The following ADD3 variants were observed in gnomAD, a reference collection of about 807,000 sequenced individuals.
The protein encoded by ADD3 is gamma-adducin.
ADD3 carries 25 observed loss-of-function variants against 80.2 expected under a neutral mutation model. The observed-to-expected ratio is 0.31, with a 90% confidence interval of 0.23 to 0.44. The LOEUF is 0.44. Ranked by LOEUF, ADD3 falls within the 20% of genes least tolerant of loss-of-function variation. The pLI, the probability that ADD3 is intolerant of heterozygous loss-of-function variation, is 1.00. For synonymous variants in ADD3, 284 were observed against 289.6 expected (o/e 0.98, Z 0.20); for missense variants, 829 against 847.5 (o/e 0.98, Z 0.27).
intron 1 of ADD3, among the ~76,000 whole-genome samples, chr10:110,032,906 A>G (rs1017226993): frequency 5.3e-5 from 8 of 152,248 alleles, no homozygotes; most frequent in Non-Finnish European, 1.0e-4. Context: ...AAGAACACAC[A>G]CATTATGATT....
At chr10:110,125,767 C>T (rs776709449) in intron 10 of ADD3, 59 bp from the exon 11 acceptor site, 3 of 1,344,956 alleles carry the variant, frequency 2.2e-6, no homozygotes, top group East Asian at 2.4e-5. Flanking sequence ...AGTTATCTAA[C>T]AATCTACTAA....
chr10:110,099,774 C>T (rs888088678), intron 1 of ADD3, among the ~76,000 whole-genome samples: 2 of 152,148 alleles, frequency 1.3e-5, no homozygotes, highest in Non-Finnish European at 2.9e-5. Flanking sequence ...TACCTTGTTT[C>T]TATTCTGCAT....
intron 1 of ADD3, among the ~76,000 whole-genome samples, chr10:110,009,447 C>T (rs564025246): frequency 6.6e-6 from 1 of 152,176 alleles, no homozygotes; most frequent in Admixed American, 6.5e-5. Context: ...AATAAGAGTA[C>T]AGTGCAATTT....
At chr10:110,033,857 C>T (rs1855333889) in intron 1 of ADD3, among the ~76,000 whole-genome samples, 1 of 152,162 alleles carries the variant, frequency 6.6e-6, no homozygotes, top group South Asian at 2.1e-4. Context: ...ATTAACTCAT[C>T]TGCATTTCCC....
intron 12 of ADD3, among the ~76,000 whole-genome samples, chr10:110,130,009 GC>G (rs1279209811): frequency 1.3e-5 from 2 of 151,968 alleles, no homozygotes; most frequent in Non-Finnish European, 2.9e-5. Context: ...ATTTCTGTAA[GC>G]CTTTTTTACA....
chr10:110,094,896 G>A (rs1174599319), intron 1 of ADD3, among the ~76,000 whole-genome samples: 1 of 152,186 alleles, frequency 6.6e-6, no homozygotes, highest in Non-Finnish European at 1.5e-5. Flanking sequence ...ATTCTTTGAA[G>A]TGTGGAAAAA....
chr10:110,006,965 C>G (rs1851684406), upstream of ADD3, among the ~76,000 whole-genome samples: 1 of 152,000 alleles, frequency 6.6e-6, no homozygotes, highest in Admixed American at 6.6e-5. Context: ...TGCAAGTGTA[C>G]TGGTGCAGGA....
intron 1 of ADD3, among the ~76,000 whole-genome samples, chr10:110,012,859 A>C (rs1162091537): frequency 2.0e-5 from 3 of 151,762 alleles, no homozygotes. Flanking sequence ...TCAGCCTCCC[A>C]GGTAGCTGGG....
chr10:110,091,635 T>G (rs1847527115), intron 1 of ADD3, among the ~76,000 whole-genome samples: 1 of 152,092 alleles, frequency 6.6e-6, no homozygotes, highest in African/African-American at 2.4e-5. Context: ...AAAATTCAAC[T>G]CAAGATGGAT....
chr10:110,031,073 C>G (rs1165799114), intron 1 of ADD3, among the ~76,000 whole-genome samples: 1 of 152,100 alleles, frequency 6.6e-6, no homozygotes, highest in Non-Finnish European at 1.5e-5. Context: ...GTCGGGAGTT[C>G]GAGACCAGCT....
At chr10:110,098,958 C>T (rs1020452919) in intron 1 of ADD3, among the ~76,000 whole-genome samples, 8 of 152,056 alleles carry the variant, frequency 5.3e-5, no homozygotes, top group Non-Finnish European at 8.8e-5. Context: ...CTCACTCCAT[C>T]GCCCAGACTG....
intron 13 of ADD3, 83 bp downstream of exon 13, chr10:110,130,569 A>G: frequency 1.3e-6 from 2 of 1,484,386 alleles, no homozygotes; most frequent in Non-Finnish European, 1.8e-6. Context: ...GAAAGCAGTC[A>G]GTGTGGCCGG....
At chr10:110,082,210 A>G (rs886855781) in intron 1 of ADD3, among the ~76,000 whole-genome samples, 4 of 149,540 alleles carry the variant, frequency 2.7e-5, no homozygotes, top group Admixed American at 2.0e-4. Flanking sequence ...GACTAAGCCA[A>G]TATTTGCTTT....
At chr10:110,002,395 T>C (rs1314272286), upstream of ADD3, among the ~76,000 whole-genome samples, 1 of 151,888 alleles carries the variant, frequency 6.6e-6, no homozygotes, top group Non-Finnish European at 1.5e-5. Context: ...TGCCTCAGCC[T>C]CCTGAGTAGC....
rs752116914 is a variant in ADD3, at chr10:110,118,769, G to T, written c.717+33G>T. 3 of 1,597,878 alleles carry T rather than the reference G, an allele frequency of 1.9e-6. No individual in the cohort carries two copies. In the African/African-American group the frequency reaches 4.0e-5, roughly 21 times the overall value. On this transcript the variant is annotated intron_variant, in intron 6 of 14. Coordinates refer to ENST00000356080, the MANE Select transcript of ADD3 (RefSeq NM_016824.5). ...AATGAAAGTCCAAAACTGACAGGAC[G>T]CTGGAAGATGTATTATTTTTGTGGC... is the stretch of plus-strand genomic sequence containing the variant.
intron 1 of ADD3, among the ~76,000 whole-genome samples, chr10:110,027,390 A>G (rs898988367): frequency 6.6e-6 from 1 of 152,220 alleles, no homozygotes; most frequent in African/African-American, 2.4e-5. Context: ...CTCCACCCCA[A>G]AATGTGAGCC....
chr10:110,093,011 A>G (rs1353374105), intron 1 of ADD3, among the ~76,000 whole-genome samples: 1 of 152,100 alleles, frequency 6.6e-6, no homozygotes, highest in Non-Finnish European at 1.5e-5. Context: ...GACACATGCC[A>G]CCATGCCCAG....
intron 13 of ADD3, 72 bp from the exon 14 acceptor site, chr10:110,132,233 A>G: frequency 9.5e-7 from 1 of 1,048,802 alleles, no homozygotes; most frequent in Non-Finnish European, 1.5e-6. Context: ...TGATGTATGC[A>G]CTAACCTCCC....
intron 1 of ADD3, among the ~76,000 whole-genome samples, chr10:110,046,327 A>T (rs763693609): frequency 2.9e-4 from 44 of 152,268 alleles, no homozygotes; most frequent in Non-Finnish European, 5.0e-4. Context: ...ATGTATATAT[A>T]TAACATACAT....
Sources: allele counts gnomAD v4.1 joint callset (sites outside exome capture counted in the v4.1 genomes callset), GRCh38; gene constraint gnomAD v4.1.1; transcripts MANE v1.5; gene names NCBI Gene and HGNC (gene_info 2026-07-23, HGNC 2026-07-21).